Variants in LRRTM4 observed in about 807,000 individuals in gnomAD.
LRRTM4 encodes leucine rich repeat transmembrane neuronal 4.
LRRTM4 carries 25 observed loss-of-function variants against 47.6 expected under a neutral mutation model. The ratio of observed to expected loss-of-function variants is 0.53; its 90% CI spans 0.38 to 0.73. LRRTM4 has a LOEUF of 0.73. LRRTM4 is among the 30% of genes least tolerant of loss of function. The pLI is 0.00. For synonymous variants in LRRTM4, 311 were observed against 269.5 expected, an observed-to-expected ratio of 1.15 and a Z score of -1.51; for missense variants, 638 against 713.4, an observed-to-expected ratio of 0.89 and a Z score of 1.20.
chr2:77,451,383 C>T (rs1265376893), intron 3 of LRRTM4, among the ~76,000 whole-genome samples: 1 of 152,128 alleles, frequency 6.6e-6, no homozygotes, highest in Non-Finnish European at 1.5e-5. Flanking sequence ...GCAATCTGAG[C>T]ATCAGTGCTG....
chr2:77,122,057 T>G (rs933951764), intron 3 of LRRTM4, among the ~76,000 whole-genome samples: 1 of 151,680 alleles, frequency 6.6e-6, no homozygotes, highest in Non-Finnish European at 1.5e-5. Context: ...ATATAAATAT[T>G]ATTCTACCCA....
intron 3 of LRRTM4, among the ~76,000 whole-genome samples, chr2:77,113,929 A>T (rs138739971): frequency 1.3e-5 from 2 of 152,112 alleles, no homozygotes; most frequent in East Asian, 3.9e-4. Flanking sequence ...GGGGCCGCGG[A>T]AGCTGCAAGT....
chr2:77,363,573 C>T (rs1672321512), intron 3 of LRRTM4, among the ~76,000 whole-genome samples: 1 of 152,154 alleles, frequency 6.6e-6, no homozygotes, highest in African/African-American at 2.4e-5. Flanking sequence ...ATTCTGTGTC[C>T]TGTCATCCTG....
rs759216070 is a variant in LRRTM4 at position 76,748,865 on chromosome 2, T to TC, written c.1602dup (p.Ile535AspfsTer17). On this transcript the variant is annotated frameshift_variant, in exon 4 of 4. Coordinates refer to ENST00000409884, the MANE Select transcript of LRRTM4 (RefSeq NM_001134745.3). LOFTEE classifies it high-confidence loss of function. ...GGCTGGTGGGCCTGGCAGTACCCGA[T>TC]CACAGGCTGGTCATAGCTGTAATAT... 6.2e-7 allele frequency: 1 copy of TC among 1,613,984 alleles called. No homozygotes were observed. The highest frequency in any genetic ancestry group is 1.1e-5 in the South Asian group (1 of 91,092).
At chr2:77,358,561 G>T (rs528267799) in intron 3 of LRRTM4, among the ~76,000 whole-genome samples, 2 of 152,120 alleles carry the variant, frequency 1.3e-5, no homozygotes, top group Non-Finnish European at 2.9e-5. Context: ...AACCATAGCC[G>T]CTTCAACGCA....
At chr2:77,130,192 G>C (rs577078181) in intron 3 of LRRTM4, among the ~76,000 whole-genome samples, 1 of 152,158 alleles carries the variant, frequency 6.6e-6, no homozygotes, top group African/African-American at 2.4e-5. Flanking sequence ...AAGTTAGTTA[G>C]AGAAAAACAT....
chr2:77,217,136 A>T (rs1336268207), intron 3 of LRRTM4, among the ~76,000 whole-genome samples: 2 of 150,992 alleles, frequency 1.3e-5, no homozygotes, highest in Admixed American at 1.3e-4. Flanking sequence ...AATCTTTAGA[A>T]CTGGTACCCA....
chr2:77,263,279 C>T (rs1675966891), intron 3 of LRRTM4, among the ~76,000 whole-genome samples: 1 of 152,060 alleles, frequency 6.6e-6, no homozygotes, highest in African/African-American at 2.4e-5. Context: ...TCTGGCTGTT[C>T]CCTATTTACG....
chr2:77,484,222 A>G (rs1280825179), intron 3 of LRRTM4, among the ~76,000 whole-genome samples: 1 of 152,246 alleles, frequency 6.6e-6, no homozygotes, highest in African/African-American at 2.4e-5. Context: ...CTGGGTAACT[A>G]AGCACTTGAG....
At chr2:77,337,914 A>T (rs1671224202) in intron 3 of LRRTM4, among the ~76,000 whole-genome samples, 1 of 152,124 alleles carries the variant, frequency 6.6e-6, no homozygotes, top group African/African-American at 2.4e-5. Flanking sequence ...ATGCAACAAA[A>T]TAGAGAACCC....
chr2:77,164,899 A>G (rs1672835955), intron 3 of LRRTM4, among the ~76,000 whole-genome samples: 1 of 152,200 alleles, frequency 6.6e-6, no homozygotes, highest in South Asian at 2.1e-4. Flanking sequence ...TCACAATTAA[A>G]AGAACTAGAG....
intron 3 of LRRTM4, among the ~76,000 whole-genome samples, chr2:76,933,390 C>A (rs964541962): frequency 2.9e-4 from 44 of 152,006 alleles, no homozygotes; most frequent in African/African-American, 1.1e-3. Flanking sequence ...CATACAAATA[C>A]CTGCTTGCCT....
intron 3 of LRRTM4, among the ~76,000 whole-genome samples, chr2:77,039,275 T>C (rs1489185275): frequency 1.3e-5 from 2 of 150,802 alleles, no homozygotes; most frequent in East Asian, 1.9e-4. Context: ...GTCGGGGACA[T>C]ATGGTGAAAT....
chr2:76,821,843 G>A (rs1333336082), intron 3 of LRRTM4, among the ~76,000 whole-genome samples: 1 of 151,514 alleles, frequency 6.6e-6, no homozygotes, highest in African/African-American at 2.4e-5. Context: ...AAAATGGAAG[G>A]CAAAGAGAAA....
At chr2:77,040,044 T>C (rs1006528722) in intron 3 of LRRTM4, among the ~76,000 whole-genome samples, 25 of 151,352 alleles carry the variant, frequency 1.7e-4, no homozygotes, top group African/African-American at 6.0e-4. Flanking sequence ...TCTTGATGTA[T>C]GTTGTAGCAT....
At chr2:77,113,212 G>A (rs113845437) in intron 3 of LRRTM4, among the ~76,000 whole-genome samples, 1 of 152,030 alleles carries the variant, frequency 6.6e-6, no homozygotes, top group Admixed American at 6.6e-5. Flanking sequence ...GCCTGCAGAC[G>A]GGCCTCCTCT....
intron 3 of LRRTM4, among the ~76,000 whole-genome samples, chr2:77,417,676 C>A (rs564131967): frequency 6.6e-6 from 1 of 151,336 alleles, no homozygotes; most frequent in African/African-American, 2.4e-5. Context: ...AAAAACCAAG[C>A]ACCGCATATT....
intron 3 of LRRTM4, among the ~76,000 whole-genome samples, chr2:77,103,569 A>G (rs948283778): frequency 6.6e-6 from 1 of 151,580 alleles, no homozygotes; most frequent in Non-Finnish European, 1.5e-5. Flanking sequence ...ATAAATTTGC[A>G]ATGTGAAAAG....
At position 76,748,876 on chromosome 2, in the gene LRRTM4, T is replaced by C; in HGVS notation, c.1592A>G (p.Asp531Gly). The stretch of plus-strand genomic sequence containing the variant: ...CTGGCAGTACCCGATCACAGGCTGG[T>C]CATAGCTGTAATATGGCAAGGGCTT... ...HMKPLPYYSY[D>G]QPVIGYCQAH... Residue 531 changes from aspartate to glycine, a missense_variant, in exon 4 of 4, where the codon GAC becomes GGC. Transcript: ENST00000409884. The C allele has an allele frequency of 6.2e-7, 1 of 1,614,004 alleles. No homozygotes were observed. The highest frequency in any genetic ancestry group is 1.1e-5 in the South Asian group (1 of 91,082).
Sources: allele counts gnomAD v4.1 joint callset (sites outside exome capture counted in the v4.1 genomes callset), GRCh38; gene constraint gnomAD v4.1.1; transcripts MANE v1.5; gene names NCBI Gene and HGNC (gene_info 2026-07-23, HGNC 2026-07-21).